SEMA3D: variants seen among roughly 807,000 people sequenced by gnomAD.
SEMA3D encodes the protein semaphorin-3D.
In SEMA3D, 84 loss-of-function variants were observed where a neutral mutation model predicts 100.1. That is an observed-to-expected ratio of 0.84 (90% CI 0.70 to 1.01). The LOEUF (loss-of-function observed/expected upper bound fraction) is 1.01, where lower values mean the gene tolerates loss of function less well. SEMA3D is among the 50% of genes least tolerant of loss of function. SEMA3D has a pLI of 0.00. For missense variants in SEMA3D, 875 were observed against 934.1 expected, an observed-to-expected ratio of 0.94 and a Z score of 0.82; for synonymous variants, 312 against 320.7, an observed-to-expected ratio of 0.97 and a Z score of 0.29.
intron 2 of SEMA3D, chr7:85,142,180 T>C: frequency 1.0e-6 from 1 of 984,530 alleles, no homozygotes; most frequent in Non-Finnish European, 1.2e-6. Context: ...CAGTGTCTCT[T>C]ACCAATTTCT....
At chr7:85,150,830 A>G (rs1790359194) in intron 2 of SEMA3D, among the ~76,000 whole-genome samples, 1 of 152,032 alleles carries the variant, frequency 6.6e-6, no homozygotes, top group Non-Finnish European at 1.5e-5. Context: ...CACACTGGAA[A>G]GGATCCAAAG....
intron 2 of SEMA3D, among the ~76,000 whole-genome samples, chr7:85,124,273 A>G (rs978609977): frequency 6.6e-6 from 1 of 151,940 alleles, no homozygotes; most frequent in Non-Finnish European, 1.5e-5. Flanking sequence ...GTATTCTTTG[A>G]CTTACAGATT....
chr7:85,183,390 G>T (rs1332090085), intron 1 of SEMA3D, among the ~76,000 whole-genome samples: 1 of 152,160 alleles, frequency 6.6e-6, no homozygotes, highest in Non-Finnish European at 1.5e-5. Context: ...TTTTGGAAAA[G>T]AAAAATATGT....
intron 5 of SEMA3D, among the ~76,000 whole-genome samples, chr7:85,076,796 T>C (rs900501929): frequency 6.6e-6 from 1 of 152,132 alleles, no homozygotes; most frequent in Non-Finnish European, 1.5e-5. Context: ...AGTTTAGGTC[T>C]TAAAATCTTT....
rs537998320 is a variant in SEMA3D, at chr7:85,062,640, C to T, written c.718+2784G>A. On this transcript the variant is annotated intron_variant, in intron 8 of 18. Transcript: ENST00000284136. ...TTTTAGACTTTAAATCCAATTAAAA[C>T]AAAGGGTCATTAAACCACTTGTAAC... Among the ~76,000 whole-genome samples the T allele has an allele frequency of 3.9e-5, 6 of 152,284 alleles. No homozygotes were observed. The South Asian group carries it at 1.2e-3, about 32-fold the overall frequency.
At chr7:85,205,071 T>C in the SEMA3D span, among the ~76,000 whole-genome samples, 1 of 152,162 alleles carries the variant, frequency 6.6e-6, no homozygotes, top group Non-Finnish European at 1.5e-5. Flanking sequence ...AATATGCTAG[T>C]CATTCATATG....
intron 3 of SEMA3D, among the ~76,000 whole-genome samples, chr7:85,113,992 T>C (rs905597543): frequency 2.0e-5 from 3 of 152,160 alleles, no homozygotes; most frequent in Non-Finnish European, 4.4e-5. Context: ...TGGCTGATTA[T>C]TTTTAACCTC....
intron 2 of SEMA3D, among the ~76,000 whole-genome samples, chr7:85,136,828 C>G (rs1026403801): frequency 6.6e-6 from 1 of 152,042 alleles, no homozygotes. Flanking sequence ...GCAAAGGGAA[C>G]ATGAACAGGG....
At chr7:85,053,303 T>A (rs562859667) in intron 9 of SEMA3D, among the ~76,000 whole-genome samples, 2 of 152,142 alleles carry the variant, frequency 1.3e-5, no homozygotes, top group South Asian at 4.1e-4. Context: ...TTTACTTGTA[T>A]CTACTGAACT....
upstream of SEMA3D, among the ~76,000 whole-genome samples, chr7:85,190,085 C>T (rs1001317127): frequency 6.6e-6 from 1 of 152,058 alleles, no homozygotes; most frequent in Admixed American, 6.5e-5. Flanking sequence ...GAGCTTAAAT[C>T]TAGCAGAAGA....
intron 2 of SEMA3D, among the ~76,000 whole-genome samples, chr7:85,149,922 T>A (rs1193601417): frequency 6.6e-6 from 1 of 152,120 alleles, no homozygotes; most frequent in Non-Finnish European, 1.5e-5. Flanking sequence ...AGTCAAGCTA[T>A]TTCTTAATTT....
the SEMA3D span, among the ~76,000 whole-genome samples, chr7:85,215,909 A>T: frequency 1.3e-5 from 2 of 152,094 alleles, no homozygotes; most frequent in Non-Finnish European, 2.9e-5. Context: ...ATTTCATAAA[A>T]GCTAGTTGTA....
At chr7:85,249,691 T>A in the SEMA3D span, among the ~76,000 whole-genome samples, 1 of 152,220 alleles carries the variant, frequency 6.6e-6, no homozygotes, top group Non-Finnish European at 1.5e-5. Flanking sequence ...GTGGTGTTAA[T>A]CAGAACCTGA....
At chr7:85,027,406 C>T (rs555829805) in intron 12 of SEMA3D, among the ~76,000 whole-genome samples, 32 of 151,974 alleles carry the variant, frequency 2.1e-4, no homozygotes, top group African/African-American at 7.2e-4. Flanking sequence ...TTAGCATTTG[C>T]CATTGATTTT....
the SEMA3D span, among the ~76,000 whole-genome samples, chr7:85,223,369 C>G: frequency 6.6e-5 from 10 of 152,022 alleles, no homozygotes; most frequent in Non-Finnish European, 1.0e-4. Context: ...CCAGCACTCC[C>G]ACTACTGGGT....
At chr7:85,018,367 C>CTGA in intron 14 of SEMA3D, 74 bp from the exon 15 acceptor site, 2 of 911,144 alleles carry the variant, frequency 2.2e-6, no homozygotes, top group South Asian at 2.8e-5. Context: ...GTTGTTTTAT[C>CTGA]TGATGCCATA....
chr7:85,107,128 A>G (rs1788950289), intron 3 of SEMA3D, among the ~76,000 whole-genome samples: 1 of 152,108 alleles, frequency 6.6e-6, no homozygotes, highest in Non-Finnish European at 1.5e-5. Context: ...GTGTGTATAT[A>G]TGTGTAAAAC....
chr7:85,197,823 T>C, the SEMA3D span, among the ~76,000 whole-genome samples: 1 of 152,170 alleles, frequency 6.6e-6, no homozygotes, highest in African/African-American at 2.4e-5. Flanking sequence ...ATAATGTTCA[T>C]GGCAACACTC....
intron 2 of SEMA3D, among the ~76,000 whole-genome samples, chr7:85,131,827 C>T (rs1006928574): frequency 2.0e-5 from 3 of 151,774 alleles, no homozygotes; most frequent in African/African-American, 7.2e-5. Flanking sequence ...ATTCCCACAC[C>T]TAGTATTTAG....
Sources: allele counts gnomAD v4.1 joint callset (sites outside exome capture counted in the v4.1 genomes callset), GRCh38; gene constraint gnomAD v4.1.1; transcripts MANE v1.5; gene names NCBI Gene and HGNC (gene_info 2026-07-23, HGNC 2026-07-21).